The following TMEM178A variants were observed in gnomAD, a reference collection of about 807,000 sequenced individuals.
The protein encoded by TMEM178A is transmembrane protein 178.
TMEM178A carries 12 observed loss-of-function variants against 29.1 expected under a neutral mutation model. The observed-to-expected ratio is 0.41, with a 90% confidence interval of 0.26 to 0.67. The LOEUF is 0.67. Ranked by LOEUF, TMEM178A falls within the 30% of genes least tolerant of loss-of-function variation. TMEM178A has a pLI of 0.29. For missense variants in TMEM178A, 366 were observed against 419.1 expected (o/e 0.87, Z 1.11); for synonymous variants, 210 against 187.2 (o/e 1.12, Z -0.99).
At chr2:39,706,151 C>T (rs994612129) in intron 2 of TMEM178A, among the ~76,000 whole-genome samples, 3 of 152,172 alleles carry the variant, frequency 2.0e-5, no homozygotes, top group African/African-American at 7.2e-5. Flanking sequence ...ACGTAGTCAG[C>T]CTACCTCTTG....
At chr2:39,693,298 G>C (rs1671401940) in intron 1 of TMEM178A, among the ~76,000 whole-genome samples, 1 of 152,182 alleles carries the variant, frequency 6.6e-6, no homozygotes, top group African/African-American at 2.4e-5. Flanking sequence ...GACAACTTTT[G>C]TGTTCTGACT....
At chr2:39,715,417 G>A (rs1343101057) in intron 3 of TMEM178A, among the ~76,000 whole-genome samples, 1 of 152,074 alleles carries the variant, frequency 6.6e-6, no homozygotes, top group Non-Finnish European at 1.5e-5. Flanking sequence ...GAAAACATTT[G>A]TGTAGATCTA....
intron 3 of TMEM178A, among the ~76,000 whole-genome samples, chr2:39,716,064 T>A (rs1257698581): frequency 6.6e-6 from 1 of 152,200 alleles, no homozygotes; most frequent in Non-Finnish European, 1.5e-5. Context: ...TATACAGGGA[T>A]AAACCAGACT....
the TMEM178A span, among the ~76,000 whole-genome samples, chr2:39,731,192 GTAAA>G: frequency 2.0e-5 from 3 of 152,218 alleles, no homozygotes; most frequent in Admixed American, 2.0e-4. Context: ...CAAATACAGA[GTAAA>G]TAGTTATTCC....
chr2:39,699,711 C>T (rs1050542357), intron 1 of TMEM178A, among the ~76,000 whole-genome samples: 4 of 152,182 alleles, frequency 2.6e-5, no homozygotes. Flanking sequence ...CCCACCTCAG[C>T]TTCTCAAGGG....
At chr2:39,682,255 ATTTTAAC>A (rs1361210821) in intron 1 of TMEM178A, among the ~76,000 whole-genome samples, 1 of 152,166 alleles carries the variant, frequency 6.6e-6, no homozygotes, top group Non-Finnish European at 1.5e-5. Context: ...GAGAGCGCTA[ATTTTAAC>A]TTTTGCTTAA....
intron 1 of TMEM178A, among the ~76,000 whole-genome samples, chr2:39,700,446 A>G (rs1030617850): frequency 2.6e-5 from 4 of 151,892 alleles, no homozygotes; most frequent in African/African-American, 9.7e-5. Context: ...TCTGGTAACA[A>G]TTTTTGTCTT....
chr2:39,680,286 G>T (rs1307057317), intron 1 of TMEM178A, among the ~76,000 whole-genome samples: 1 of 152,210 alleles, frequency 6.6e-6, no homozygotes, highest in Admixed American at 6.5e-5. Flanking sequence ...AAAGTGTCAG[G>T]ATGGGAAAAG....
chr2:39,666,430 G>A (rs1670162572), intron 1 of TMEM178A, 56 bp downstream of exon 1: 3 of 1,235,296 alleles, frequency 2.4e-6, no homozygotes, highest in African/African-American at 1.6e-5. Flanking sequence ...CGCAGCCCGC[G>A]GCTTCCCAGG....
At chr2:39,698,411 A>G (rs1671643434) in intron 1 of TMEM178A, among the ~76,000 whole-genome samples, 1 of 152,196 alleles carries the variant, frequency 6.6e-6, no homozygotes, top group Non-Finnish European at 1.5e-5. Context: ...CATCTTTGAG[A>G]TGATCAGGTG....
chr2:39,706,144 T>C (rs1199590988), intron 2 of TMEM178A, among the ~76,000 whole-genome samples: 1 of 152,200 alleles, frequency 6.6e-6, no homozygotes, highest in Non-Finnish European at 1.5e-5. Flanking sequence ...CAGGTACACG[T>C]AGTCAGCCTA....
rs199576215 is a variant in TMEM178A, at chr2:39,704,100, G to A, written c.420G>A (p.Thr140=). The change falls in exon 2 of 4, where the codon ACG becomes ACA. Residue 140 remains threonine (T), a synonymous_variant. Transcript: ENST00000281961. ...LILKGIAQRC[T]AIKYHFSQPI... The stretch of plus-strand genomic sequence containing the variant: ...TTCAAGGTATTGCGCAGCGATGCAC[G>A]GCCATCAAGTACCACTTTTCTCAGC... 11 of 1,614,040 alleles carry A rather than the reference G, an allele frequency of 6.8e-6. No homozygotes were observed. Among genetic ancestry groups the A allele is most frequent in the Middle Eastern group, 1.6e-4 (1 of 6,062 alleles).
intron 1 of TMEM178A, among the ~76,000 whole-genome samples, chr2:39,697,518 C>T (rs1182828300): frequency 2.0e-5 from 3 of 152,182 alleles, no homozygotes; most frequent in Non-Finnish European, 4.4e-5. Flanking sequence ...CATTTTCTTG[C>T]AAACTCAGCT....
At position 39,666,198 on chromosome 2, in the gene TMEM178A, G is replaced by T; in HGVS notation, c.224G>T (p.Arg75Leu). Residue 75 changes from arginine to leucine, a missense_variant, in exon 1 of 4, where the codon CGC (arginine) becomes CTC (leucine). Physicochemically the swap from Arg to Leu is moderately radical, Grantham distance 102 (BLOSUM62 -2). Transcript: ENST00000281961. ...LPLRDSPPLGRRLLPGGPGRA... is the reference protein window; with the variant it reads ...LPLRDSPPLGLRLLPGGPGRA... ...CTGCGGGACTCGCCCCCGCTGGGGC[G>T]CCGGCTGCTCCCGGGCGGCCCGGGG... 7.1e-7 allele frequency: 1 copy of T among 1,414,870 alleles called. No homozygotes were observed. The highest frequency in any genetic ancestry group is 9.2e-7 in the Non-Finnish European group (1 of 1,089,794). The allele number at this position is 1,414,870 out of a possible 1,614,324, so 87.6% of individuals were successfully genotyped here. A position where few individuals can be genotyped will look rare whatever the true frequency, so the allele number is the denominator to read the frequency against.
the TMEM178A span, among the ~76,000 whole-genome samples, chr2:39,730,185 T>C: frequency 6.6e-6 from 1 of 152,162 alleles, no homozygotes; most frequent in Non-Finnish European, 1.5e-5. Context: ...TGGTTTCTTG[T>C]TGTGTTTGCT....
At chr2:39,724,731 CT>C in the TMEM178A span, among the ~76,000 whole-genome samples, 1 of 152,182 alleles carries the variant, frequency 6.6e-6, no homozygotes, top group South Asian at 2.1e-4. Context: ...GGTCATCTCT[CT>C]TTGACAGCAG....
At chr2:39,726,547 A>G in the TMEM178A span, among the ~76,000 whole-genome samples, 1 of 152,234 alleles carries the variant, frequency 6.6e-6, no homozygotes, top group Non-Finnish European at 1.5e-5. Context: ...GATTTCAAAC[A>G]TAAGAGTGAT....
intron 1 of TMEM178A, chr2:39,697,832 G>T (rs1671611694): frequency 1.3e-5 from 2 of 152,278 alleles, no homozygotes; most frequent in Admixed American, 1.3e-4. Flanking sequence ...CGGAACAGAG[G>T]AGGAGATGGG....
downstream of TMEM178A, among the ~76,000 whole-genome samples, chr2:39,721,514 T>C (rs1467480835): frequency 6.6e-6 from 1 of 152,138 alleles, no homozygotes; most frequent in Non-Finnish European, 1.5e-5. Flanking sequence ...TAAGTGAATG[T>C]TTTGCAGAGA....
Sources: gnomAD v4.1 joint callset for allele counts (sites outside exome capture counted in the v4.1 genomes callset) on GRCh38, gnomAD v4.1.1 for gene constraint, MANE v1.5 for transcripts, NCBI Gene and HGNC (gene_info 2026-07-23, HGNC 2026-07-21) for gene names.